Variants in ARHGAP42 observed in about 807,000 individuals in gnomAD.
ARHGAP42 encodes rho GTPase-activating protein 42.
In ARHGAP42, 63 loss-of-function variants were observed where a neutral mutation model predicts 125.0. That is an observed-to-expected ratio of 0.50 (90% CI 0.41 to 0.62). The LOEUF is 0.62. Among genes scored for constraint, ARHGAP42 ranks in the 20% least tolerant of loss-of-function variants. The pLI is 0.00. For missense variants in ARHGAP42, 766 were observed against 1,024.2 expected, an observed-to-expected ratio of 0.75 and a Z score of 3.44; for synonymous variants, 339 against 351.0, an observed-to-expected ratio of 0.97 and a Z score of 0.38.
intron 4 of ARHGAP42, among the ~76,000 whole-genome samples, chr11:100,901,876 A>G (rs1866562470): frequency 6.6e-6 from 1 of 152,104 alleles, no homozygotes. Flanking sequence ...TTCCCAGGTG[A>G]GGCAATGCCC....
intron 3 of ARHGAP42, among the ~76,000 whole-genome samples, chr11:100,828,168 GC>G (rs144537367): frequency 0.17 from 26,433 of 151,896 alleles, 3,106 homozygotes; most frequent in South Asian, 0.4. Context: ...CTCACTTGCC[GC>G]TAAGTGCTGA....
intron 2 of ARHGAP42, among the ~76,000 whole-genome samples, chr11:100,772,931 G>T (rs569755461): frequency 6.6e-6 from 1 of 152,158 alleles, no homozygotes; most frequent in South Asian, 2.1e-4. Flanking sequence ...CCGCCTCCTG[G>T]GTTTGAGTGA....
chr11:100,844,578 C>T (rs967218423), intron 3 of ARHGAP42, among the ~76,000 whole-genome samples: 2 of 150,936 alleles, frequency 1.3e-5, no homozygotes, highest in Non-Finnish European at 3.0e-5. Context: ...CCAGAAGGTA[C>T]AATGAACTCA....
Position 100,915,156 on chromosome 11 carries a change from A to G in ARHGAP42, c.486+1603A>G, listed in dbSNP as rs147384421. The stretch of plus-strand genomic sequence containing the variant: ...GGAAGACAATCTGCCATTAAGAAAA[A>G]CTAGATTTCTATTTGAAATTTCTTG... On this transcript the variant is annotated intron_variant, in intron 5 of 23. Transcript: ENST00000298815. Among the ~76,000 whole-genome samples, 88 of 152,276 alleles carry G rather than the reference A, an allele frequency of 5.8e-4. 1 individual carries two copies. Among genetic ancestry groups the G allele is most frequent in the Non-Finnish European group, 9.8e-4 (67 of 68,024 alleles).
chr11:100,808,473 T>G (rs1864056127), intron 3 of ARHGAP42, among the ~76,000 whole-genome samples: 3 of 144,836 alleles, frequency 2.1e-5, no homozygotes, highest in East Asian at 2.1e-4. Context: ...TGGCGCAATC[T>G]CGGCTCACTG....
At chr11:100,909,497 C>A (rs988959032) in intron 4 of ARHGAP42, among the ~76,000 whole-genome samples, 2 of 152,024 alleles carry the variant, frequency 1.3e-5, no homozygotes, top group South Asian at 2.1e-4. Context: ...ATGCCCGTCG[C>A]CATGCCCAGC....
chr11:100,820,611 G>A (rs1165941758), intron 3 of ARHGAP42, among the ~76,000 whole-genome samples: 1 of 152,108 alleles, frequency 6.6e-6, no homozygotes, highest in Non-Finnish European at 1.5e-5. Context: ...TTATGATATT[G>A]CAGAGTAGTA....
intron 2 of ARHGAP42, among the ~76,000 whole-genome samples, chr11:100,786,075 T>C (rs1183309796): frequency 6.6e-6 from 1 of 152,182 alleles, no homozygotes; most frequent in Admixed American, 6.5e-5. Flanking sequence ...TTAAATGAGA[T>C]AGTATATGTA....
chr11:100,952,718 A>C (rs1400528101), intron 12 of ARHGAP42, among the ~76,000 whole-genome samples: 1 of 137,122 alleles, frequency 7.3e-6, no homozygotes, highest in African/African-American at 2.7e-5. Context: ...GGTATTACTA[A>C]TTCACCTAAG....
At position 100,687,848 on chromosome 11, in the gene ARHGAP42, G is replaced by A. The variant is rs962079017; in HGVS notation, c.154+16G>A. On this transcript the variant is annotated intron_variant, in intron 1 of 23. Coordinates refer to ENST00000298815, the MANE Select transcript of ARHGAP42 (RefSeq NM_152432.4). ...GCGTTGAGGAGTAAGTAGGGCTGGCGGGGGAGTGGACACCCGCATCTGGAG... is the reference window on the plus strand; with the variant it reads ...GCGTTGAGGAGTAAGTAGGGCTGGCAGGGGAGTGGACACCCGCATCTGGAG... 6.5e-7 allele frequency: 1 copy of A among 1,539,932 alleles called. No individual in the cohort carries two copies. The highest frequency in any genetic ancestry group is 2.5e-5 in the East Asian group (1 of 40,262).
chr11:100,808,823 T>A (rs1039604974), intron 3 of ARHGAP42, among the ~76,000 whole-genome samples: 1 of 152,264 alleles, frequency 6.6e-6, no homozygotes, highest in Non-Finnish European at 1.5e-5. Context: ...TTACTTGTTA[T>A]AATAGTAATT....
At chr11:100,853,218 T>C (rs1224608495) in intron 3 of ARHGAP42, among the ~76,000 whole-genome samples, 1 of 152,182 alleles carries the variant, frequency 6.6e-6, no homozygotes, top group Non-Finnish European at 1.5e-5. Context: ...CAATCCTAAT[T>C]TGACCTTTCA....
chr11:100,795,702 C>G (rs183699753), intron 3 of ARHGAP42, among the ~76,000 whole-genome samples: 3 of 152,270 alleles, frequency 2.0e-5, no homozygotes, highest in Admixed American at 2.0e-4. Flanking sequence ...AAACACTTAT[C>G]CATTCAAAAA....
intron 17 of ARHGAP42, among the ~76,000 whole-genome samples, chr11:100,967,871 G>A (rs572435735): frequency 3.4e-4 from 52 of 151,964 alleles, no homozygotes; most frequent in Admixed American, 9.2e-4. Flanking sequence ...GTGACACCAC[G>A]CCCAGCTAAT....
intron 4 of ARHGAP42, among the ~76,000 whole-genome samples, chr11:100,864,334 G>A (rs888162592): frequency 2.0e-5 from 3 of 151,866 alleles, no homozygotes; most frequent in East Asian, 3.9e-4. Context: ...ACAGGCGCCC[G>A]CCACCATGCC....
At chr11:100,917,377 A>G (rs1244841304) in intron 5 of ARHGAP42, among the ~76,000 whole-genome samples, 1 of 152,070 alleles carries the variant, frequency 6.6e-6, no homozygotes, top group East Asian at 1.9e-4. Flanking sequence ...TAACATCTGG[A>G]TGAACATCTC....
chr11:100,780,651 C>G (rs998446901), intron 2 of ARHGAP42, among the ~76,000 whole-genome samples: 1 of 152,194 alleles, frequency 6.6e-6, no homozygotes, highest in Non-Finnish European at 1.5e-5. Context: ...AGTCAGAAAC[C>G]GGCTTTGTAG....
chr11:100,992,750 G>A lies in ARHGAP42; in HGVS notation c.*3949G>A. The A allele has an allele frequency of 6.6e-7, 1 of 1,513,624 alleles. No homozygotes were observed. The highest frequency in any genetic ancestry group is 8.9e-7 in the Non-Finnish European group (1 of 1,129,680). 93.8% of individuals were successfully genotyped at this position (1,513,624 alleles called of 1,614,324 possible). A position where few individuals can be genotyped will look rare whatever the true frequency, so the allele number is the denominator to read the frequency against. ...TAAATTGGATTTTTTATTTTTTGAG[G>A]GCAGCTGCCCTCACTGTTTTAAATA... On this transcript the variant is annotated 3_prime_UTR_variant, in exon 24 of 24. Coordinates refer to ENST00000298815, the MANE Select transcript of ARHGAP42 (RefSeq NM_152432.4).
chr11:100,795,851 A>G (rs1863697316), intron 3 of ARHGAP42, among the ~76,000 whole-genome samples: 1 of 152,238 alleles, frequency 6.6e-6, no homozygotes, highest in African/African-American at 2.4e-5. Flanking sequence ...CACCTGGCAC[A>G]TAGTAAATAC....
Sources: gnomAD v4.1 joint callset for allele counts (sites outside exome capture counted in the v4.1 genomes callset) on GRCh38, gnomAD v4.1.1 for gene constraint, MANE v1.5 for transcripts, NCBI Gene and HGNC (gene_info 2026-07-23, HGNC 2026-07-21) for gene names.